PHF2: variants seen among roughly 807,000 people sequenced by gnomAD.
PHF2 encodes the protein PHD finger protein 2.
Under a neutral mutation model 120.5 loss-of-function variants are expected in PHF2, and 27 were observed. That is an observed-to-expected ratio of 0.22 (90% confidence interval 0.17 to 0.31). PHF2 has a LOEUF of 0.31. PHF2 is among the 10% of genes least tolerant of loss of function. PHF2 has a pLI of 1.00. For missense variants in PHF2, 1,024 were observed against 1,434.8 expected (o/e 0.71, Z 4.63); for synonymous variants, 568 against 592.5 (o/e 0.96, Z 0.60).
chr9:93,673,579 C>A lies in PHF2; in HGVS notation c.2349-6C>A. The A allele has an allele frequency of 6.4e-7, 1 of 1,554,264 alleles. No homozygotes were observed. The highest frequency in any genetic ancestry group is 8.7e-7 in the Non-Finnish European group (1 of 1,146,276). ...GGGCTGAGTGCCTGTCTCTCTGTGCCCCTAGCCAGCCCCCGGCCTCCCCCA... is the reference window on the plus strand; with the variant it reads ...GGGCTGAGTGCCTGTCTCTCTGTGCACCTAGCCAGCCCCCGGCCTCCCCCA... On this transcript the variant is annotated splice_region_variant and splice_polypyrimidine_tract_variant and intron_variant, in intron 17 of 21. Coordinates refer to ENST00000359246, the MANE Select transcript of PHF2 (RefSeq NM_005392.4).
chr9:93,610,460 T>G (rs1165401617), intron 1 of PHF2, among the ~76,000 whole-genome samples: 3 of 152,162 alleles, frequency 2.0e-5, no homozygotes, highest in Non-Finnish European at 4.4e-5. Flanking sequence ...GATTCTTTCT[T>G]AGTGTCTCAA....
At position 93,673,784 on chromosome 9, in the gene PHF2, G is replaced by T; in HGVS notation, c.2548G>T (p.Ala850Ser). The T allele has an allele frequency of 6.2e-7, 1 of 1,613,310 alleles. No individual in the cohort carries two copies. ...AGGCAAACGACTGCTGAAGAGGGCT[G>T]CCAAGAACAGTGTCGACCTGGACGA... ...SAGKRLLKRAAKNSVDLDDYE... is the reference protein window; with the variant it reads ...SAGKRLLKRASKNSVDLDDYE... The change falls in exon 18 of 22, where the codon GCC (alanine) becomes TCC (serine). Residue 850 changes from alanine to serine, a missense_variant. Coordinates refer to ENST00000359246, the MANE Select transcript of PHF2 (RefSeq NM_005392.4).
chr9:93,652,097 G>A (rs553206600), intron 5 of PHF2, among the ~76,000 whole-genome samples: 1 of 152,242 alleles, frequency 6.6e-6, no homozygotes, highest in Admixed American at 6.5e-5. Context: ...GCAGGACTCT[G>A]CTTGTGATTT....
At chr9:93,674,214 G>A (rs556922459) in intron 18 of PHF2, among the ~76,000 whole-genome samples, 76 of 152,246 alleles carry the variant, frequency 5.0e-4, no homozygotes, top group Non-Finnish European at 7.1e-4. Context: ...GGCCCCGGAG[G>A]TTGAAGGACC....
In PHF2 at chr9:93,649,594, A is replaced by G. The variant is rs145669920; in HGVS notation, c.602+382A>G. On this transcript the variant is annotated intron_variant, in intron 5 of 21. Transcript: ENST00000359246. ...ATGCACACACTCATGACACACTCAG[A>G]CACATCTATGACACACCCACTTCCG... is the stretch of plus-strand genomic sequence containing the variant. Among the ~76,000 whole-genome samples, 3 of 152,078 alleles carry G rather than the reference A, an allele frequency of 2.0e-5. No individual in the cohort carries two copies. The East Asian group carries it at 5.8e-4, about 29-fold the overall frequency.
At chr9:93,638,620 A>G (rs1352552263) in intron 3 of PHF2, among the ~76,000 whole-genome samples, 1 of 152,222 alleles carries the variant, frequency 6.6e-6, no homozygotes, top group Admixed American at 6.5e-5. Context: ...ATTCTATTCC[A>G]CTAATCTATA....
intron 1 of PHF2, among the ~76,000 whole-genome samples, chr9:93,602,169 G>A (rs983502551): frequency 1.3e-5 from 2 of 149,870 alleles, no homozygotes; most frequent in African/African-American, 4.9e-5. Flanking sequence ...TCGAACAAAA[G>A]TATGTAAATT....
At chr9:93,579,065 G>A (rs1411634418) in intron 1 of PHF2, among the ~76,000 whole-genome samples, 1 of 152,196 alleles carries the variant, frequency 6.6e-6, no homozygotes. Context: ...TGTGTGATGG[G>A]GAGGACAGCC....
At chr9:93,653,686 C>T (rs1421100748) in intron 6 of PHF2, among the ~76,000 whole-genome samples, 1 of 152,176 alleles carries the variant, frequency 6.6e-6, no homozygotes, top group Non-Finnish European at 1.5e-5. Context: ...GAGGGGCCAG[C>T]CATAGCCAGG....
chr9:93,671,851 C>G (rs1308259225), intron 17 of PHF2, among the ~76,000 whole-genome samples: 169 of 22,256 alleles, frequency 7.6e-3, no homozygotes, highest in Non-Finnish European at 8.8e-3. Flanking sequence ...TGGGAGTAGG[C>G]ACAGGTGTAG....
At chr9:93,584,219 T>G (rs1325265454) in intron 1 of PHF2, among the ~76,000 whole-genome samples, 4 of 152,278 alleles carry the variant, frequency 2.6e-5, no homozygotes, top group Non-Finnish European at 4.4e-5. Flanking sequence ...TGACTACTGA[T>G]GCACAAAAGT....
chr9:93,644,442 T>TTC (rs1410507038), intron 3 of PHF2, among the ~76,000 whole-genome samples: 2 of 151,528 alleles, frequency 1.3e-5, no homozygotes, highest in Non-Finnish European at 2.9e-5. Flanking sequence ...GTGCAAAGAA[T>TTC]TCTGGCGGCT....
chr9:93,607,940 T>TGAGAGAGAGAGAGA, intron 1 of PHF2, among the ~76,000 whole-genome samples: 1 of 128,406 alleles, frequency 7.8e-6, no homozygotes, highest in South Asian at 2.6e-4. Flanking sequence ...GGGAAAGAGA[T>TGAGAGAGAGAGAGA]GAGAGAGAGA....
Position 93,666,074 on chromosome 9 carries a change from C to T in PHF2, c.2187+14C>T, listed in dbSNP as rs770817163. 24 of 1,609,722 alleles carry T rather than the reference C, an allele frequency of 1.5e-5. No individual in the cohort carries two copies. The highest frequency in any genetic ancestry group is 8.3e-5 in the Admixed American group (5 of 59,958). ...GCAGCGTACAAGGTGAGCTGCCTTA[C>T]AGGCCCCCCTCAGTCTCGGGGGGCA... On this transcript the variant is annotated intron_variant, in intron 16 of 21. Coordinates refer to ENST00000359246, the MANE Select transcript of PHF2 (RefSeq NM_005392.4).
intron 17 of PHF2, 32 bp downstream of exon 17, chr9:93,667,272 CG>C: frequency 6.3e-7 from 1 of 1,594,660 alleles, no homozygotes; most frequent in Non-Finnish European, 8.5e-7. Flanking sequence ...CACCCAAGAG[CG>C]GGGACCAGGC....
intron 4 of PHF2, 135 bp from the exon 5 acceptor site, chr9:93,648,936 C>A: frequency 1.1e-6 from 1 of 937,352 alleles, no homozygotes; most frequent in Non-Finnish European, 1.6e-6. Flanking sequence ...CACCTAGAGC[C>A]TCCGCATCCA....
At chr9:93,599,254 C>T (rs991020698) in intron 1 of PHF2, among the ~76,000 whole-genome samples, 4 of 152,170 alleles carry the variant, frequency 2.6e-5, no homozygotes, top group African/African-American at 7.2e-5. Context: ...TTACCGTCAT[C>T]GTCTTCATCT....
chr9:93,617,353 G>A (rs1481878083), intron 1 of PHF2, among the ~76,000 whole-genome samples: 1 of 152,218 alleles, frequency 6.6e-6, no homozygotes, highest in African/African-American at 2.4e-5. Context: ...GCAGAACAAG[G>A]ATTCCTATGG....
At chr9:93,676,494 T>C in intron 20 of PHF2, 100 bp from the exon 21 acceptor site, 2 of 1,419,302 alleles carry the variant, frequency 1.4e-6, no homozygotes, top group Non-Finnish European at 1.9e-6. Context: ...CCAGCCCTGC[T>C]GTGCTCAAGG....
Sources: gnomAD v4.1 joint callset for allele counts (sites outside exome capture counted in the v4.1 genomes callset) on GRCh38, gnomAD v4.1.1 for gene constraint, MANE v1.5 for transcripts, NCBI Gene and HGNC (gene_info 2026-07-23, HGNC 2026-07-21) for gene names.